The following FNDC3B variants were observed in gnomAD, a reference collection of about 807,000 sequenced individuals.
The protein encoded by FNDC3B is fibronectin type III domain containing 3B.
Under a neutral mutation model 151.5 loss-of-function variants are expected in FNDC3B, and 12 were observed. The ratio of observed to expected loss-of-function variants is 0.08; its 90% CI spans 0.05 to 0.13. The LOEUF is 0.13. FNDC3B is among the 10% of genes least tolerant of loss of function. FNDC3B has a pLI of 1.00. For missense variants in FNDC3B, 1,214 were observed against 1,505.3 expected (o/e 0.81, Z 3.20); for synonymous variants, 528 against 549.0 (o/e 0.96, Z 0.54).
At chr3:172,123,126 C>T (rs1465002338) in intron 2 of FNDC3B, among the ~76,000 whole-genome samples, 1 of 152,188 alleles carries the variant, frequency 6.6e-6, no homozygotes, top group African/African-American at 2.4e-5. Flanking sequence ...GCAGCCTCAA[C>T]CTTCTGGGCT....
Position 172,397,372 on chromosome 3 carries a change from G to T in FNDC3B, c.3512G>T (p.Ser1171Ile). ...AGCTTAGATGATCCCAAAATGAAGAGCATGATGCCTACTGATGAACAGTTT... is the reference window on the plus strand; with the variant it reads ...AGCTTAGATGATCCCAAAATGAAGATCATGATGCCTACTGATGAACAGTTT... ...MGSLDDPKMK[S>I]MMPTDEQFAA... Residue 1171 changes from serine (S) to isoleucine (I), a missense_variant, in exon 26 of 26, where the codon AGC becomes ATC. Coordinates refer to ENST00000415807, the MANE Select transcript of FNDC3B (RefSeq NM_022763.4). 6.2e-7 allele frequency: 1 copy of T among 1,614,106 alleles called. No homozygotes were observed.
intron 22 of FNDC3B, among the ~76,000 whole-genome samples, chr3:172,357,939 A>G (rs1734177252): frequency 6.6e-6 from 1 of 152,204 alleles, no homozygotes; most frequent in Non-Finnish European, 1.5e-5. Context: ...ATGTGAAGTA[A>G]ACTTGTTGAC....
intron 25 of FNDC3B, among the ~76,000 whole-genome samples, chr3:172,382,273 T>C (rs1178573314): frequency 6.6e-6 from 1 of 152,256 alleles, no homozygotes; most frequent in Non-Finnish European, 1.5e-5. Flanking sequence ...ATATCTTCTT[T>C]TGAGAAGTGT....
chr3:172,332,028 T>C (rs1407661901), intron 13 of FNDC3B, among the ~76,000 whole-genome samples: 1 of 152,160 alleles, frequency 6.6e-6, no homozygotes, highest in Non-Finnish European at 1.5e-5. Context: ...TGGAGTGCGG[T>C]GGTGCAATCT....
intron 23 of FNDC3B, among the ~76,000 whole-genome samples, chr3:172,372,472 C>A (rs998121202): frequency 6.6e-6 from 1 of 152,206 alleles, no homozygotes; most frequent in East Asian, 1.9e-4. Flanking sequence ...GCTATATATA[C>A]ATTATTCCTT....
intron 4 of FNDC3B, among the ~76,000 whole-genome samples, chr3:172,228,460 A>G (rs1726706388): frequency 6.6e-6 from 1 of 152,230 alleles, no homozygotes; most frequent in South Asian, 2.1e-4. Flanking sequence ...AACGGAGAGA[A>G]GCTTCAGTGT....
chr3:172,227,223 C>T (rs535565842), intron 4 of FNDC3B: 48 of 283,614 alleles, frequency 1.7e-4, no homozygotes, highest in Non-Finnish European at 2.7e-4. Flanking sequence ...TTTATGGAGT[C>T]TCCTGCTTCA....
chr3:172,177,384 C>CT (rs1266689619), intron 3 of FNDC3B, among the ~76,000 whole-genome samples: 6 of 152,200 alleles, frequency 3.9e-5, no homozygotes, highest in East Asian at 3.9e-4. Flanking sequence ...GAAGTTGCAA[C>CT]TTTTTTGGAG....
chr3:172,165,115 G>C (rs1722947732), intron 3 of FNDC3B, among the ~76,000 whole-genome samples: 1 of 152,160 alleles, frequency 6.6e-6, no homozygotes, highest in South Asian at 2.1e-4. Flanking sequence ...CTGGGCTCAA[G>C]TAATCCTCCT....
At position 172,298,288 on chromosome 3, in the gene FNDC3B, A is replaced by T. The variant is rs558367681; in HGVS notation, c.1002-440A>T. 2.0e-5 allele frequency among the ~76,000 whole-genome samples: 3 copies of T among 152,298 alleles called. No individual in the cohort carries two copies. The East Asian group carries it at 5.8e-4, about 29-fold the overall frequency. On this transcript the variant is annotated intron_variant, in intron 8 of 25. Coordinates refer to ENST00000415807, the MANE Select transcript of FNDC3B (RefSeq NM_022763.4). ...GAGCTATTTGTTCGGTGCATTGGTA[A>T]GTGAGGAAGTGAGATTGTGATTTTT...
intron 1 of FNDC3B, among the ~76,000 whole-genome samples, chr3:172,101,286 G>A (rs1043405687): frequency 6.6e-6 from 1 of 152,188 alleles, no homozygotes; most frequent in Non-Finnish European, 1.5e-5. Flanking sequence ...CAGATGAAAG[G>A]TTTCGTAGAG....
intron 9 of FNDC3B, among the ~76,000 whole-genome samples, chr3:172,305,216 A>G (rs867932905): frequency 1.3e-5 from 2 of 152,292 alleles, no homozygotes; most frequent in Middle Eastern, 3.4e-3. Flanking sequence ...ACACACCTGA[A>G]ATGTCTTCAC....
At chr3:172,158,497 G>A (rs1722608831) in intron 3 of FNDC3B, among the ~76,000 whole-genome samples, 2 of 152,202 alleles carry the variant, frequency 1.3e-5, no homozygotes, top group Admixed American at 6.5e-5. Context: ...TTTCTAATAG[G>A]ATTGTTTGAA....
chr3:172,064,682 C>T (rs1717398634), intron 1 of FNDC3B, among the ~76,000 whole-genome samples: 1 of 152,194 alleles, frequency 6.6e-6, no homozygotes, highest in South Asian at 2.1e-4. Context: ...TCAATATGCT[C>T]CAGGGGAAGA....
chr3:172,208,213 G>A (rs1272785539), intron 3 of FNDC3B, among the ~76,000 whole-genome samples: 2 of 152,182 alleles, frequency 1.3e-5, no homozygotes, highest in African/African-American at 4.8e-5. Context: ...CCGAAGGTGT[G>A]ATGAAGCACA....
At chr3:172,181,234 T>C (rs1488201322) in intron 3 of FNDC3B, among the ~76,000 whole-genome samples, 1 of 151,522 alleles carries the variant, frequency 6.6e-6, no homozygotes, top group African/African-American at 2.4e-5. Context: ...ACCCTGTCTC[T>C]ACCAAAAATA....
intron 3 of FNDC3B, 149 bp from the exon 4 acceptor site, chr3:172,226,721 GT>G: frequency 2.0e-6 from 1 of 509,554 alleles, no homozygotes; most frequent in Non-Finnish European, 3.6e-6. Context: ...ATGGTTTCAG[GT>G]TTAGCTTTAA....
At chr3:172,066,444 A>T (rs1717500645) in intron 1 of FNDC3B, among the ~76,000 whole-genome samples, 1 of 152,138 alleles carries the variant, frequency 6.6e-6, no homozygotes, top group Admixed American at 6.5e-5. Context: ...TATCTAGGTA[A>T]CTCCCTTCTG....
intron 8 of FNDC3B, among the ~76,000 whole-genome samples, chr3:172,297,188 T>C (rs146829366): frequency 3.9e-5 from 6 of 152,242 alleles, no homozygotes; most frequent in African/African-American, 1.2e-4. Context: ...TATACAAACT[T>C]CCCTGTTATT....
Sources: allele counts gnomAD v4.1 joint callset (sites outside exome capture counted in the v4.1 genomes callset), GRCh38; gene constraint gnomAD v4.1.1; transcripts MANE v1.5; gene names NCBI Gene and HGNC (gene_info 2026-07-23, HGNC 2026-07-21).